The following SRPK1 variants were observed in gnomAD, a reference collection of about 807,000 sequenced individuals.
SRPK1 encodes the protein SRSF protein kinase 1.
Under a neutral mutation model 89.5 loss-of-function variants are expected in SRPK1, and 52 were observed. The observed-to-expected ratio is 0.58, with a 90% confidence interval of 0.46 to 0.73. The LOEUF is 0.73. Ranked by LOEUF, SRPK1 falls within the 30% of genes least tolerant of loss-of-function variation. The pLI is 0.00. For synonymous variants in SRPK1, 255 were observed against 270.2 expected, an observed-to-expected ratio of 0.94 and a Z score of 0.55; for missense variants, 603 against 780.6, an observed-to-expected ratio of 0.77 and a Z score of 2.71.
intron 2 of SRPK1, among the ~76,000 whole-genome samples, chr6:35,894,536 GA>G (rs931683768): frequency 4.2e-4 from 64 of 152,218 alleles, no homozygotes; most frequent in African/African-American, 1.4e-3. Flanking sequence ...AATTATTAAA[GA>G]AATTCAAGAA....
At chr6:35,841,403 T>C (rs1216040119) in intron 14 of SRPK1, among the ~76,000 whole-genome samples, 1 of 152,172 alleles carries the variant, frequency 6.6e-6, no homozygotes, top group Non-Finnish European at 1.5e-5. Context: ...CAGCATGAAA[T>C]ATGCATTCCC....
chr6:35,920,825 G>T, intron 1 of SRPK1: 3 of 494,832 alleles, frequency 6.1e-6, no homozygotes, highest in Non-Finnish European at 1.0e-5. Context: ...GGCCTGGCGG[G>T]GAACAAGGGG....
At chr6:35,876,538 AG>A (rs1770161131) in intron 6 of SRPK1, among the ~76,000 whole-genome samples, 1 of 152,088 alleles carries the variant, frequency 6.6e-6, no homozygotes, top group Non-Finnish European at 1.5e-5. Flanking sequence ...GCTACTTAGG[AG>A]GCTGAGGTGA....
At chr6:35,876,603 C>T (rs1015235383) in intron 6 of SRPK1, among the ~76,000 whole-genome samples, 2 of 152,154 alleles carry the variant, frequency 1.3e-5, no homozygotes, top group South Asian at 2.1e-4. Context: ...GATCATGCCA[C>T]GGCACTCCAG....
chr6:35,853,960 T>G (rs1769614085), intron 13 of SRPK1, among the ~76,000 whole-genome samples: 1 of 152,078 alleles, frequency 6.6e-6, no homozygotes, highest in Non-Finnish European at 1.5e-5. Context: ...CCCTTTTTTT[T>G]GTTTTTTTGA....
intron 12 of SRPK1, among the ~76,000 whole-genome samples, chr6:35,859,492 TCA>T (rs1769731912): frequency 6.6e-6 from 1 of 152,202 alleles, no homozygotes; most frequent in South Asian, 2.1e-4. Context: ...TACTCAAGTT[TCA>T]CAGTTGGCCC....
chr6:35,894,975 G>A (rs1770599503), intron 2 of SRPK1, among the ~76,000 whole-genome samples: 1 of 152,048 alleles, frequency 6.6e-6, no homozygotes, highest in Non-Finnish European at 1.5e-5. Context: ...CTATAGAGAA[G>A]GCCTGAAATG....
At chr6:35,841,163 A>G (rs1029515716) in intron 14 of SRPK1, among the ~76,000 whole-genome samples, 1 of 152,176 alleles carries the variant, frequency 6.6e-6, no homozygotes, top group African/African-American at 2.4e-5. Context: ...AAAAATAGCA[A>G]GCAGAGAGTA....
intron 13 of SRPK1, among the ~76,000 whole-genome samples, chr6:35,844,546 G>A (rs900234993): frequency 7.9e-5 from 12 of 152,112 alleles, no homozygotes; most frequent in African/African-American, 1.7e-4. Flanking sequence ...CTGTACTACC[G>A]TCCAGAGGGA....
chr6:35,859,981 C>T (rs1245988341), intron 12 of SRPK1, among the ~76,000 whole-genome samples: 1 of 151,888 alleles, frequency 6.6e-6, no homozygotes, highest in Non-Finnish European at 1.5e-5. Context: ...GCCTCTGCCT[C>T]CCAAGTAGCT....
At chr6:35,912,287 G>A (rs920941852) in intron 2 of SRPK1, among the ~76,000 whole-genome samples, 1 of 152,168 alleles carries the variant, frequency 6.6e-6, no homozygotes, top group African/African-American at 2.4e-5. Context: ...GGAGTTCGAT[G>A]CTGCAGTGAG....
chr6:35,883,158 C>T (rs1193257989), intron 6 of SRPK1, among the ~76,000 whole-genome samples: 1 of 152,170 alleles, frequency 6.6e-6, no homozygotes, highest in Non-Finnish European at 1.5e-5. Flanking sequence ...GTGGCTCATG[C>T]CTTCAATCCC....
At chr6:35,836,796 A>C (rs1256337646) in intron 15 of SRPK1, among the ~76,000 whole-genome samples, 4 of 149,136 alleles carry the variant, frequency 2.7e-5, no homozygotes, top group Non-Finnish European at 4.4e-5. Context: ...ATTTTTTTTA[A>C]ACATAAAAAT....
chr6:35,876,366 G>A (rs1235391573), intron 6 of SRPK1, among the ~76,000 whole-genome samples: 1 of 152,184 alleles, frequency 6.6e-6, no homozygotes, highest in Non-Finnish European at 1.5e-5. Flanking sequence ...GTCGGGCATG[G>A]TGGCTCATGC....
At chr6:35,851,357 A>G (rs1769552027) in intron 13 of SRPK1, among the ~76,000 whole-genome samples, 1 of 151,880 alleles carries the variant, frequency 6.6e-6, no homozygotes, top group African/African-American at 2.4e-5. Flanking sequence ...TATTTTTGGT[A>G]GAGACAGGGT....
chr6:35,889,924 C>G (rs1274966731), intron 3 of SRPK1, among the ~76,000 whole-genome samples: 1 of 149,732 alleles, frequency 6.7e-6, no homozygotes, highest in African/African-American at 2.5e-5. Context: ...CGGTGAAACC[C>G]TGTGTCTACT....
rs577404697 is a variant in SRPK1, at chr6:35,881,870, T to C, written c.478+4854A>G. On this transcript the variant is annotated intron_variant, in intron 6 of 15. Coordinates refer to ENST00000373825, the MANE Select transcript of SRPK1 (RefSeq NM_003137.5). Reference sequence around the variant, plus strand: ...AGCAGACAGAAGATAAGCAAGGCAATAGAGGACTTAACACAATAAACCAAT... The same window carrying C: ...AGCAGACAGAAGATAAGCAAGGCAACAGAGGACTTAACACAATAAACCAAT... Among the ~76,000 whole-genome samples the C allele has an allele frequency of 1.2e-3, 187 of 152,082 alleles. 1 individual carries two copies. The highest frequency in any genetic ancestry group is 4.0e-3 in the African/African-American group (168 of 41,534).
intron 6 of SRPK1, among the ~76,000 whole-genome samples, chr6:35,876,482 A>G (rs1770160192): frequency 6.6e-6 from 1 of 152,130 alleles, no homozygotes; most frequent in African/African-American, 2.4e-5. Flanking sequence ...TCTACAAGAA[A>G]AATCCAAAAA....
rs187238205 is a variant in SRPK1 at position 35,836,746 on chromosome 6, C to A, written c.1784-1258G>T. On this transcript the variant is annotated intron_variant, in intron 15 of 15. Transcript: ENST00000373825. ...CTCCAGCCTGGGTGACAGAGTGATA[C>A]CCTGTCTCAATAATAATAATAATAA... 5.4e-3 allele frequency among the ~76,000 whole-genome samples: 750 copies of A among 137,954 alleles called. 7 individuals carry two copies. The highest frequency in any genetic ancestry group is 0.02 in the African/African-American group (681 of 34,638). The allele number at this position is 137,954 out of a possible 152,430, so 90.5% of individuals were successfully genotyped here.
Sources: gnomAD v4.1 joint callset for allele counts (sites outside exome capture counted in the v4.1 genomes callset) on GRCh38, gnomAD v4.1.1 for gene constraint, MANE v1.5 for transcripts, NCBI Gene and HGNC (gene_info 2026-07-23, HGNC 2026-07-21) for gene names.